LMNA: variants seen among roughly 807,000 people sequenced by gnomAD.
LMNA encodes lamin A/C, also known as lamin.
LMNA carries 20 observed loss-of-function variants against 70.4 expected under a neutral mutation model. The observed-to-expected ratio is 0.28, with a 90% CI of 0.20 to 0.41. The LOEUF (loss-of-function observed/expected upper bound fraction) is 0.41. LMNA is among the 10% of genes least tolerant of loss of function. The pLI, the probability that LMNA is intolerant of heterozygous loss-of-function variation, is 1.00. For missense variants in LMNA, 652 were observed against 917.2 expected, an observed-to-expected ratio of 0.71 and a Z score of 3.73; for synonymous variants, 339 against 372.8, an observed-to-expected ratio of 0.91 and a Z score of 1.04.
At chr1:156,128,016 C>T (rs1415838858) in intron 1 of LMNA, among the ~76,000 whole-genome samples, 4 of 152,088 alleles carry the variant, frequency 2.6e-5, no homozygotes, top group Admixed American at 6.6e-5. Flanking sequence ...AGACCATATA[C>T]TGTGGCTTGT....
At chr1:156,117,786 T>C (rs1343000732) in intron 1 of LMNA, among the ~76,000 whole-genome samples, 1 of 152,076 alleles carries the variant, frequency 6.6e-6, no homozygotes, top group Non-Finnish European at 1.5e-5. Flanking sequence ...AGACCACACC[T>C]GTCCTTTTCT....
At position 156,139,058 on chromosome 1, in the gene LMNA, TCTC is replaced by T; in HGVS notation, c.1969-18_1969-16del. ...GTCCAGGCCCTGCTGCTCACACCTCTCTCCTCTGTTTTCTCTCTTAGAGCCCCC... is the reference window on the plus strand; with the variant it reads ...GTCCAGGCCCTGCTGCTCACACCTCTCTCTGTTTTCTCTCTTAGAGCCCCC... On this transcript the variant is annotated intron_variant, in intron 11 of 11. Coordinates refer to ENST00000368300, the MANE Select transcript of LMNA (RefSeq NM_170707.4). 1.2e-6 allele frequency: 2 copies of T among 1,613,412 alleles called. No homozygotes were observed. Among genetic ancestry groups the T allele is most frequent in the South Asian group, 2.2e-5 (2 of 91,070 alleles).
In LMNA at chr1:156,114,901, G is replaced by A. The variant is rs750665274; in HGVS notation, c.-18G>A. 36 of 1,520,032 alleles carry A rather than the reference G, an allele frequency of 2.4e-5. No homozygotes were observed. The highest frequency in any genetic ancestry group is 5.5e-5 in the African/African-American group (4 of 72,226). The allele number at this position is 1,520,032 out of a possible 1,614,324, so 94.2% of individuals were successfully genotyped here. On this transcript the variant is annotated 5_prime_UTR_variant, in exon 1 of 12. Coordinates refer to ENST00000368300, the MANE Select transcript of LMNA (RefSeq NM_170707.4). Reference sequence around the variant, plus strand: ...CCGGGACCCCTGCCCCGCGGGCAGCGCTGCCAACCTGCCGGCCATGGAGAC... The same window carrying A: ...CCGGGACCCCTGCCCCGCGGGCAGCACTGCCAACCTGCCGGCCATGGAGAC...
In LMNA at chr1:156,115,270, G is replaced by T. The variant is rs987482450; in HGVS notation, c.352G>T (p.Ala118Ser). The change falls in exon 1 of 12, where the codon GCG becomes TCG. Residue 118 changes from alanine to serine, a missense_variant. Ala to Ser is a moderately conservative substitution (Grantham distance 99, BLOSUM62 1). This residue lies in a region of LMNA where 254 missense variants were observed against 421.9 expected (regional missense o/e 0.60). Transcript: ENST00000368300. The surrounding 1 kb of genome is among the most constrained non-coding windows in gnomAD (Gnocchi z 5.8). ...GCGTGAGGAGTTTAAGGAGCTGAAA[G>T]CGCGGTGAGTTCGCCCAGGTGGCTG... ...KVREEFKELKARNTKKEGDLI... is the reference protein window; with the variant it reads ...KVREEFKELKSRNTKKEGDLI... 1.2e-6 allele frequency: 2 copies of T among 1,605,420 alleles called. No individual in the cohort carries two copies. Among genetic ancestry groups the T allele is most frequent in the Non-Finnish European group, 1.7e-6 (2 of 1,178,918 alleles).
chr1:156,083,636 C>G (rs1648359995), intron 2 of LMNA: 1 of 152,162 alleles, frequency 6.6e-6, no homozygotes, highest in Non-Finnish European at 1.5e-5. Flanking sequence ...AACCTCGTCT[C>G]TACTAAAAAT....
intron 3 of LMNA, among the ~76,000 whole-genome samples, chr1:156,102,060 CAGTG>C (rs954004379): frequency 1.3e-5 from 2 of 152,332 alleles, no homozygotes; most frequent in Admixed American, 1.3e-4. Flanking sequence ...ACCCTTGGCC[CAGTG>C]CCAGGCCCTC....
In LMNA at chr1:156,126,852, C is replaced by T. The variant is rs781641454; in HGVS notation, c.357-3765C>T. On this transcript the variant is annotated intron_variant, in intron 1 of 11. Transcript: ENST00000368300. ...AACCTGGAGGATGCAAGGGAAAGGA[C>T]TGGCACTCTGCTGGCACAGCACCCG... 4 of 1,612,104 alleles carry T rather than the reference C, an allele frequency of 2.5e-6. No individual in the cohort carries two copies. In the Admixed American group the frequency reaches 6.7e-5, roughly 27 times the overall value.
At chr1:156,092,952 G>A (rs1353414806) in intron 3 of LMNA, among the ~76,000 whole-genome samples, 1 of 148,658 alleles carries the variant, frequency 6.7e-6, no homozygotes. Flanking sequence ...GCAGTGGTGC[G>A]ATCTCGGCTC....
intron 1 of LMNA, among the ~76,000 whole-genome samples, chr1:156,125,795 C>G (rs532370302): frequency 9.2e-5 from 14 of 151,934 alleles, no homozygotes; most frequent in African/African-American, 2.9e-4. Flanking sequence ...CCGAGACCAG[C>G]CTGGCCAACA....
chr1:156,099,614 T>G (rs1572320394), intron 3 of LMNA, among the ~76,000 whole-genome samples: 1 of 152,046 alleles, frequency 6.6e-6, no homozygotes, highest in East Asian at 1.9e-4. Flanking sequence ...CCAGGCATAG[T>G]GGCTCACACC....
At chr1:156,088,531 AC>A (rs1299526646) in intron 2 of LMNA, among the ~76,000 whole-genome samples, 3 of 147,542 alleles carry the variant, frequency 2.0e-5, no homozygotes, top group African/African-American at 7.6e-5. Context: ...GGGGTAGAGC[AC>A]GGTGGCTCCT....
At chr1:156,124,381 T>G (rs1168903444) in intron 1 of LMNA, among the ~76,000 whole-genome samples, 1 of 151,980 alleles carries the variant, frequency 6.6e-6, no homozygotes, top group African/African-American at 2.4e-5. Flanking sequence ...CTCCGCCTCC[T>G]GGGTTCAAGT....
rs1285913191 is a variant in LMNA at position 156,130,760 on chromosome 1, G to A, written c.500G>A (p.Gly167Asp). ...GAGGGCGAGCTGCATGATCTGCGGG[G>A]CCAGGTGGCCAAGGTGAGGCCACCC... ...TLEGELHDLR[G>D]QVAKLEAALG... Residue 167 changes from glycine to aspartate, a missense_variant, in exon 2 of 12, where the codon GGC becomes GAC. Transcript: ENST00000368300. 1 of 1,587,192 alleles carries A rather than the reference G, an allele frequency of 6.3e-7. No individual in the cohort carries two copies. The highest frequency in any genetic ancestry group is 8.6e-7 in the Non-Finnish European group (1 of 1,166,826).
At chr1:156,083,175 C>G (rs564060077) in exon 2 of LMNA, 1 of 152,608 alleles carries the variant, frequency 6.6e-6, no homozygotes, top group South Asian at 2.1e-4. Flanking sequence ...TCAGAGGCAC[C>G]GACTGGGAGG....
At chr1:156,085,670 G>T (rs146351848) in intron 2 of LMNA, among the ~76,000 whole-genome samples, 1 of 152,196 alleles carries the variant, frequency 6.6e-6, no homozygotes, top group Non-Finnish European at 1.5e-5. Context: ...GAAAGAGCAG[G>T]TCTCCAAAGA....
chr1:156,086,613 T>A lies in LMNA; in HGVS notation c.-319+3429T>A, dbSNP rs375678742. Among the ~76,000 whole-genome samples, 32 of 152,322 alleles carry A rather than the reference T, an allele frequency of 2.1e-4. No homozygotes were observed. The East Asian group carries it at 5.8e-3, about 28-fold the overall frequency. On this transcript the variant is annotated intron_variant, in intron 2 of 12. Transcript: ENST00000368301. ...GTGGATGATCCAGACTGTGTGCTTG[T>A]CTGTGTCTGGAGTTGTATCCCTTCT...
At chr1:156,087,383 C>T (rs1648520970) in intron 2 of LMNA, among the ~76,000 whole-genome samples, 2 of 151,718 alleles carry the variant, frequency 1.3e-5, no homozygotes, top group African/African-American at 4.8e-5. Flanking sequence ...GCTGGGATTA[C>T]AGATGCCTGC....
At chr1:156,133,290 C>T (rs567415914) in intron 2 of LMNA, among the ~76,000 whole-genome samples, 4 of 150,154 alleles carry the variant, frequency 2.7e-5, no homozygotes, top group East Asian at 2.1e-4. Flanking sequence ...TCTAAGCATA[C>T]GGCTGGGTGT....
intron 3 of LMNA, among the ~76,000 whole-genome samples, chr1:156,108,051 G>A (rs1649415217): frequency 6.6e-6 from 1 of 152,090 alleles, no homozygotes; most frequent in African/African-American, 2.4e-5. Flanking sequence ...ACAGGTGTGA[G>A]CCACTGCTCC....
Sources: allele counts gnomAD v4.1 joint callset (sites outside exome capture counted in the v4.1 genomes callset), GRCh38; gene constraint gnomAD v4.1.1; regional missense constraint gnomAD v4.1.1; non-coding constraint Gnocchi (gnomAD v3.1); transcripts MANE v1.5; gene names NCBI Gene and HGNC (gene_info 2026-07-23, HGNC 2026-07-21).